The following PUDP variants were observed in gnomAD, a reference collection of about 807,000 sequenced individuals.
The protein encoded by PUDP is pseudouridine 5'-phosphatase.
In PUDP, 8 loss-of-function variants were observed where a neutral mutation model predicts 9.4. The ratio of observed to expected loss-of-function variants is 0.85; its 90% confidence interval spans 0.50 to 1.53. PUDP has a LOEUF of 1.53. Among genes scored for constraint, PUDP ranks in the 40% most tolerant of loss-of-function variants. The pLI is 0.00. For synonymous variants in PUDP, 99 were observed against 80.7 expected, an observed-to-expected ratio of 1.23 and a Z score of -1.22; for missense variants, 188 against 189.7, an observed-to-expected ratio of 0.99 and a Z score of 0.05.
chrX:7,118,289 G>A (rs148940637), intron 1 of PUDP, among the ~76,000 whole-genome samples: 1,212 of 112,495 alleles, frequency 0.011, 7 homozygotes, highest in Middle Eastern at 0.074. Context: ...CTGAGTGTGA[G>A]CAAAAATCAG....
At chrX:7,040,719 A>G (rs1929910235) in intron 1 of PUDP, among the ~76,000 whole-genome samples, 1 of 111,541 alleles carries the variant, frequency 9.0e-6, no homozygotes, top group Non-Finnish European at 1.9e-5. Context: ...GACAGCTCAG[A>G]TGGTAGTTTC....
chrX:6,990,077 C>T (rs1602703892), intron 1 of PUDP, among the ~76,000 whole-genome samples: 1 of 110,672 alleles, frequency 9.0e-6, no homozygotes, highest in Non-Finnish European at 1.9e-5. Context: ...CAGGAACTCT[C>T]CTCCCACGCC....
chrX:6,770,358 T>G (rs1925344023), intron 3 of PUDP, among the ~76,000 whole-genome samples: 1 of 112,508 alleles, frequency 8.9e-6, no homozygotes, highest in Non-Finnish European at 1.9e-5. Flanking sequence ...TATCTGGCCC[T>G]TTGCAGAAAA....
At chrX:6,870,518 G>A (rs1927159001) in intron 3 of PUDP, among the ~76,000 whole-genome samples, 1 of 111,756 alleles carries the variant, frequency 8.9e-6, no homozygotes, top group Admixed American at 9.5e-5. Context: ...CTTGCCTTCT[G>A]TCATGATTGT....
In PUDP at chrX:6,720,289, C is replaced by CAT. The variant is rs1285111952; in HGVS notation, n.128+1127_128+1128insAT. On this transcript the variant is annotated intron_variant and non_coding_transcript_variant, in intron 1 of 2. Transcript: ENST00000438499. ...ATATATATATATATATATATATATA[C>CAT]ACACACACACATAAATATGAATAGT... 1.1e-4 allele frequency among the ~76,000 whole-genome samples: 5 copies of CAT among 46,761 alleles called. No homozygotes were observed. In the South Asian group the frequency reaches 5.4e-3, roughly 51 times the overall value. The allele number at this position is 46,761 out of a possible 115,157, so 40.6% of individuals were successfully genotyped here.
intron 3 of PUDP, among the ~76,000 whole-genome samples, chrX:6,749,971 A>AT (rs778004914): frequency 1.8e-5 from 2 of 112,403 alleles, no homozygotes; most frequent in South Asian, 7.5e-4. Context: ...ACAGCACTGG[A>AT]GGATGACAGA....
At chrX:7,124,222 A>G (rs1263262653) in intron 1 of PUDP, among the ~76,000 whole-genome samples, 1 of 112,426 alleles carries the variant, frequency 8.9e-6, no homozygotes, top group African/African-American at 3.2e-5. Context: ...GAAATCAGTA[A>G]CTGAAGAAAA....
At chrX:6,777,057 G>A (rs1044645533) in intron 3 of PUDP, among the ~76,000 whole-genome samples, 60 of 112,120 alleles carry the variant, frequency 5.4e-4, no homozygotes, top group African/African-American at 1.8e-3. Flanking sequence ...TCACAAACAA[G>A]GAAGACAATA....
intron 1 of PUDP, among the ~76,000 whole-genome samples, chrX:7,037,565 T>C (rs946702311): frequency 8.9e-6 from 1 of 112,142 alleles, no homozygotes; most frequent in Non-Finnish European, 1.9e-5. Flanking sequence ...ACACCTTCTC[T>C]TGGAGTTCCC....
chrX:6,706,656 CA>C (rs1190030683), intron 1 of PUDP, among the ~76,000 whole-genome samples: 1 of 111,419 alleles, frequency 9.0e-6, no homozygotes, highest in Non-Finnish European at 1.9e-5. Flanking sequence ...ATACGACACC[CA>C]AAATATGCCA....
chrX:6,875,965 G>A (rs1277260224), intron 3 of PUDP, among the ~76,000 whole-genome samples: 1 of 112,226 alleles, frequency 8.9e-6, no homozygotes, highest in African/African-American at 3.2e-5. Flanking sequence ...TTTCTAGTAT[G>A]TGGGATCATT....
intron 2 of PUDP, among the ~76,000 whole-genome samples, chrX:7,095,564 A>G (rs1166726271): frequency 8.9e-6 from 1 of 112,038 alleles, no homozygotes; most frequent in East Asian, 2.8e-4. Flanking sequence ...TCTAACTGGC[A>G]TAGCCCCAGC....
chrX:7,071,542 C>T (rs781104346), intron 3 of PUDP, among the ~76,000 whole-genome samples: 6 of 110,854 alleles, frequency 5.4e-5, no homozygotes, highest in Non-Finnish European at 1.1e-4. Flanking sequence ...AGCACTAATC[C>T]CACCCTCTGT....
At chrX:7,038,004 T>C (rs1215714361) in intron 1 of PUDP, among the ~76,000 whole-genome samples, 2 of 112,337 alleles carry the variant, frequency 1.8e-5, no homozygotes, top group Non-Finnish European at 3.8e-5. Context: ...ACTGTAATTC[T>C]ATGAGAATGA....
At chrX:7,094,353 ATTTTT>A (rs57548230) in intron 2 of PUDP, among the ~76,000 whole-genome samples, 2 of 73,501 alleles carry the variant, frequency 2.7e-5, no homozygotes, top group African/African-American at 5.5e-5. Flanking sequence ...GAATAAGCTG[ATTTTT>A]TTTTTTTTTT....
At chrX:6,914,547 C>T (rs1351828895) in intron 3 of PUDP, among the ~76,000 whole-genome samples, 3 of 112,087 alleles carry the variant, frequency 2.7e-5, no homozygotes, top group South Asian at 3.7e-4. Flanking sequence ...TCAGTCAGTT[C>T]GGGTGAATCC....
At chrX:6,972,137 T>C (rs1334700614) in intron 3 of PUDP, among the ~76,000 whole-genome samples, 2 of 112,191 alleles carry the variant, frequency 1.8e-5, no homozygotes, top group African/African-American at 3.2e-5. Flanking sequence ...GTTTTCTAAA[T>C]ATACAATCAT....
At chrX:7,063,551 G>A (rs1287865485) in intron 3 of PUDP, among the ~76,000 whole-genome samples, 1 of 112,004 alleles carries the variant, frequency 8.9e-6, no homozygotes, top group Non-Finnish European at 1.9e-5. Flanking sequence ...AGGAGGTACC[G>A]TGCTTCCTGT....
intron 1 of PUDP, chrX:7,117,020 T>G (rs1460878450): frequency 8.6e-7 from 1 of 1,167,574 alleles, no homozygotes; most frequent in Admixed American, 2.6e-5. Flanking sequence ...GCTGCCACTA[T>G]GCTTCCTGTA....
Sources: allele counts gnomAD v4.1 joint callset (sites outside exome capture counted in the v4.1 genomes callset), GRCh38; gene constraint gnomAD v4.1.1; transcripts MANE v1.5; gene names NCBI Gene and HGNC (gene_info 2026-07-23, HGNC 2026-07-21).